The following MYO1D variants were observed in gnomAD, a reference collection of about 807,000 sequenced individuals.
The protein encoded by MYO1D is unconventional myosin-Id.
A neutral mutation model predicts 122.0 loss-of-function variants in MYO1D; 83 were observed. The observed-to-expected ratio is 0.68, with a 90% CI of 0.57 to 0.82. The LOEUF (loss-of-function observed/expected upper bound fraction) is 0.82, where lower values mean the gene tolerates loss of function less well. Among genes scored for constraint, MYO1D ranks in the 40% least tolerant of loss-of-function variants. MYO1D has a pLI of 0.00. For synonymous variants in MYO1D, 464 were observed against 446.9 expected, an observed-to-expected ratio of 1.04 and a Z score of -0.48; for missense variants, 1,157 against 1,269.5, an observed-to-expected ratio of 0.91 and a Z score of 1.35.
At chr17:32,760,027 C>A (rs2089983261) in intron 10 of MYO1D, 2 of 671,166 alleles carry the variant, frequency 3.0e-6, no homozygotes, top group Non-Finnish European at 5.4e-6. Context: ...ACCAGTAAGT[C>A]CACGTGGTAG....
chr17:32,876,942 TC>T lies in MYO1D; in HGVS notation c.-71del. 2.1e-6 allele frequency: 2 copies of T among 964,168 alleles called. No individual in the cohort carries two copies. The highest frequency in any genetic ancestry group is 2.8e-6 in the Non-Finnish European group (2 of 724,122). The allele number at this position is 964,168 out of a possible 1,614,324, so 59.7% of individuals were successfully genotyped here. On this transcript the variant is annotated 5_prime_UTR_variant, in exon 1 of 22. Coordinates refer to ENST00000318217, the MANE Select transcript of MYO1D (RefSeq NM_015194.3). ...GCCGCTCCGTGGGCCCGCGATGAGC[TC>T]GGGAGGGGCCGGGGCGAGGCCGCGC...
chr17:32,719,030 T>G (rs941278906), intron 15 of MYO1D, among the ~76,000 whole-genome samples: 3 of 152,212 alleles, frequency 2.0e-5, no homozygotes, highest in South Asian at 4.1e-4. Context: ...AAAGTTAACA[T>G]AGTCAAGAGA....
intron 1 of MYO1D, among the ~76,000 whole-genome samples, chr17:32,829,805 G>A (rs990847284): frequency 3.9e-5 from 6 of 152,108 alleles, no homozygotes; most frequent in Non-Finnish European, 7.4e-5. Context: ...AGAAACTAGA[G>A]TACATGCCTT....
chr17:32,612,105 G>GT (rs1429497572), intron 20 of MYO1D, among the ~76,000 whole-genome samples: 4 of 152,242 alleles, frequency 2.6e-5, no homozygotes, highest in South Asian at 4.1e-4. Flanking sequence ...TTTAAGAAAA[G>GT]TTTTTTTGCC....
chr17:32,537,050 T>G (rs1910684926), intron 21 of MYO1D, among the ~76,000 whole-genome samples: 1 of 152,226 alleles, frequency 6.6e-6, no homozygotes, highest in Non-Finnish European at 1.5e-5. Flanking sequence ...TGGAGAAACA[T>G]CTAAGAGTGC....
chr17:32,738,898 AT>A (rs1352794018), intron 13 of MYO1D, among the ~76,000 whole-genome samples: 1 of 152,156 alleles, frequency 6.6e-6, no homozygotes, highest in Non-Finnish European at 1.5e-5. Flanking sequence ...TAAAATAACC[AT>A]TTTTATATTG....
At chr17:32,525,280 C>A (rs181010197) in intron 21 of MYO1D, among the ~76,000 whole-genome samples, 2 of 152,348 alleles carry the variant, frequency 1.3e-5, no homozygotes, top group African/African-American at 4.8e-5. Context: ...GTGGCTATCT[C>A]ACTGAGAGAC....
intron 1 of MYO1D, among the ~76,000 whole-genome samples, chr17:32,867,714 T>C (rs2091139595): frequency 6.7e-6 from 1 of 148,600 alleles, no homozygotes; most frequent in Non-Finnish European, 1.5e-5. Context: ...GGAGAACTGC[T>C]TGAACCCAGG....
chr17:32,504,027 T>C (rs1288506629), intron 21 of MYO1D, among the ~76,000 whole-genome samples: 4 of 152,258 alleles, frequency 2.6e-5, no homozygotes, highest in Non-Finnish European at 5.9e-5. Context: ...CTTCCTGGCA[T>C]ACTGAGTCCT....
chr17:32,740,618 C>A (rs532213561), intron 13 of MYO1D, among the ~76,000 whole-genome samples: 1 of 152,232 alleles, frequency 6.6e-6, no homozygotes, highest in Admixed American at 6.5e-5. Flanking sequence ...GCTGGGACTA[C>A]AGGCACGTGC....
At chr17:32,803,817 C>G (rs764998120) in intron 1 of MYO1D, among the ~76,000 whole-genome samples, 2 of 152,194 alleles carry the variant, frequency 1.3e-5, no homozygotes, top group African/African-American at 2.4e-5. Context: ...CAAAGCAGAG[C>G]TTTTAAAGGA....
intron 20 of MYO1D, among the ~76,000 whole-genome samples, chr17:32,620,412 T>C (rs554006414): frequency 2.0e-5 from 3 of 152,336 alleles, no homozygotes; most frequent in Admixed American, 6.5e-5. Context: ...GATTCTGTTT[T>C]GCTAGGTTAC....
intron 16 of MYO1D, among the ~76,000 whole-genome samples, chr17:32,670,960 C>T (rs1218954725): frequency 6.6e-6 from 1 of 152,218 alleles, no homozygotes; most frequent in African/African-American, 2.4e-5. Flanking sequence ...GTAACACTGA[C>T]CCTCTGCCTG....
chr17:32,648,621 T>C (rs188918255), intron 19 of MYO1D, among the ~76,000 whole-genome samples: 2 of 152,214 alleles, frequency 1.3e-5, no homozygotes, highest in Non-Finnish European at 2.9e-5. Context: ...TAATTACCCA[T>C]AGCCAATGAT....
intron 19 of MYO1D, among the ~76,000 whole-genome samples, chr17:32,648,919 T>G (rs2088341200): frequency 6.6e-6 from 1 of 152,212 alleles, no homozygotes; most frequent in Non-Finnish European, 1.5e-5. Flanking sequence ...GTTTCTCTCC[T>G]TTGTTGGCTT....
chr17:32,817,823 G>C (rs2090624651), intron 1 of MYO1D, among the ~76,000 whole-genome samples: 1 of 152,106 alleles, frequency 6.6e-6, no homozygotes, highest in Admixed American at 6.5e-5. Context: ...ATAAAGAAAT[G>C]GAGACTTTAA....
chr17:32,668,912 C>T (rs1165768437), intron 16 of MYO1D, among the ~76,000 whole-genome samples: 1 of 151,966 alleles, frequency 6.6e-6, no homozygotes, highest in African/African-American at 2.4e-5. Flanking sequence ...CCATGTTAGC[C>T]AGGATGGTCT....
intron 16 of MYO1D, among the ~76,000 whole-genome samples, chr17:32,682,832 C>A (rs1227937522): frequency 8.6e-6 from 1 of 116,616 alleles, no homozygotes; most frequent in African/African-American, 3.7e-5. Flanking sequence ...TGGATAATAT[C>A]CTGCAGAGTG....
At chr17:32,840,341 A>G (rs1340893224) in intron 1 of MYO1D, among the ~76,000 whole-genome samples, 1 of 152,136 alleles carries the variant, frequency 6.6e-6, no homozygotes, top group Non-Finnish European at 1.5e-5. Context: ...TCTGGAACAG[A>G]GCTTTTCTCA....
Sources: gnomAD v4.1 joint callset for allele counts (sites outside exome capture counted in the v4.1 genomes callset) on GRCh38, gnomAD v4.1.1 for gene constraint, MANE v1.5 for transcripts, NCBI Gene and HGNC (gene_info 2026-07-23, HGNC 2026-07-21) for gene names.